OPCML: variants seen among roughly 807,000 people sequenced by gnomAD.
The protein encoded by OPCML is opioid binding protein/cell adhesion molecule like, also known as opioid-binding protein/cell adhesion molecule.
OPCML carries 13 observed loss-of-function variants against 37.8 expected under a neutral mutation model. The ratio of observed to expected loss-of-function variants is 0.34; its 90% CI spans 0.22 to 0.55. OPCML has a LOEUF of 0.55. OPCML is among the 20% of genes least tolerant of loss of function. The pLI is 0.91. For missense variants in OPCML, 341 were observed against 435.6 expected (o/e 0.78, Z 1.93); for synonymous variants, 176 against 168.8 (o/e 1.04, Z -0.33).
chr11:133,393,828 C>A (rs1449281906), intron 1 of OPCML, among the ~76,000 whole-genome samples: 1 of 152,228 alleles, frequency 6.6e-6, no homozygotes, highest in African/African-American at 2.4e-5. Flanking sequence ...ACAGAAGATT[C>A]CAATGACTAC....
chr11:132,944,853 T>G (rs1223703679), intron 1 of OPCML, among the ~76,000 whole-genome samples: 1 of 152,246 alleles, frequency 6.6e-6, no homozygotes, highest in Non-Finnish European at 1.5e-5. Flanking sequence ...GCTATGTGCA[T>G]CTGCTCTACT....
At chr11:133,122,492 T>C (rs1454838314) in intron 1 of OPCML, among the ~76,000 whole-genome samples, 1 of 152,132 alleles carries the variant, frequency 6.6e-6, no homozygotes, top group African/African-American at 2.4e-5. Context: ...GCAGGAGGCC[T>C]CTGATTTCTG....
At chr11:132,780,218 G>A (rs1284119385) in intron 2 of OPCML, among the ~76,000 whole-genome samples, 1 of 152,134 alleles carries the variant, frequency 6.6e-6, no homozygotes, top group Non-Finnish European at 1.5e-5. Context: ...ATTTGCTTCT[G>A]GTAGTTTGCA....
In OPCML at chr11:133,208,135, T is replaced by C. The variant is rs547900560; in HGVS notation, c.62-265125A>G. Among the ~76,000 whole-genome samples the C allele has an allele frequency of 2.8e-3, 424 of 152,320 alleles. 2 individuals are homozygous for C. The highest frequency in any genetic ancestry group is 9.0e-3 in the African/African-American group (374 of 41,572). Reference sequence around the variant, plus strand: ...GATTTATTGTAATAGCTTATTTAGCTGTTGGTCTTCCTTACTGTATTATAC... The same window carrying C: ...GATTTATTGTAATAGCTTATTTAGCCGTTGGTCTTCCTTACTGTATTATAC... On this transcript the variant is annotated intron_variant, in intron 1 of 7. Transcript: ENST00000524381. The surrounding 1 kb of genome is among the most constrained non-coding windows in gnomAD (Gnocchi z 8.9).
At chr11:132,690,830 C>T (rs1161744598) in intron 2 of OPCML, among the ~76,000 whole-genome samples, 2 of 152,100 alleles carry the variant, frequency 1.3e-5, no homozygotes, top group East Asian at 1.9e-4. Flanking sequence ...AGCAGGATTT[C>T]GGACTATTCT....
At chr11:133,230,274 C>T (rs1016676632) in intron 1 of OPCML, among the ~76,000 whole-genome samples, 3 of 152,140 alleles carry the variant, frequency 2.0e-5, no homozygotes, top group African/African-American at 7.2e-5. Flanking sequence ...TGTCATGAAG[C>T]GTGGTGATGC....
chr11:132,534,709 T>A (rs1417213851), intron 3 of OPCML, among the ~76,000 whole-genome samples: 2 of 152,262 alleles, frequency 1.3e-5, no homozygotes, highest in East Asian at 1.9e-4. Flanking sequence ...ATTTACTGAG[T>A]CTAAGCCCAT....
chr11:132,909,049 A>G (rs1944337749), intron 2 of OPCML, among the ~76,000 whole-genome samples: 1 of 152,162 alleles, frequency 6.6e-6, no homozygotes, highest in Non-Finnish European at 1.5e-5. Context: ...TGCCTCAGAG[A>G]CAGAAGCATC....
At chr11:132,968,529 C>T (rs1174013333) in intron 1 of OPCML, among the ~76,000 whole-genome samples, 1 of 152,154 alleles carries the variant, frequency 6.6e-6, no homozygotes, top group Non-Finnish European at 1.5e-5. Flanking sequence ...AGTACCACCC[C>T]TATGATAACC....
chr11:133,511,851 G>A (rs1948166917), intron 1 of OPCML, among the ~76,000 whole-genome samples: 1 of 152,096 alleles, frequency 6.6e-6, no homozygotes, highest in African/African-American at 2.4e-5. Flanking sequence ...TTTATTTGCT[G>A]TTGCACCCCA....
chr11:133,303,518 T>C (rs1371594526), intron 1 of OPCML, among the ~76,000 whole-genome samples: 3 of 152,170 alleles, frequency 2.0e-5, no homozygotes, highest in African/African-American at 7.2e-5. Flanking sequence ...CACTAAATAA[T>C]AGAGCGAGAA....
At chr11:133,012,472 G>A (rs1260486848) in intron 1 of OPCML, among the ~76,000 whole-genome samples, 5 of 152,146 alleles carry the variant, frequency 3.3e-5, no homozygotes, top group Admixed American at 2.6e-4. Context: ...CTTCCTCAAA[G>A]AAGTTTTATT....
chr11:132,855,514 A>C (rs1227976272), intron 2 of OPCML, among the ~76,000 whole-genome samples: 1 of 152,132 alleles, frequency 6.6e-6, no homozygotes, highest in East Asian at 1.9e-4. Flanking sequence ...CATGAAGACC[A>C]CTCTGGGTGA....
chr11:132,497,112 C>T (rs945247454), intron 4 of OPCML, among the ~76,000 whole-genome samples: 2 of 152,024 alleles, frequency 1.3e-5, no homozygotes, highest in Non-Finnish European at 2.9e-5. Context: ...GGAGCTGAAA[C>T]CCATTATCCT....
chr11:132,921,781 T>C (rs1196605452), intron 2 of OPCML, among the ~76,000 whole-genome samples: 1 of 152,226 alleles, frequency 6.6e-6, no homozygotes, highest in East Asian at 1.9e-4. Context: ...CTTGTAGCCA[T>C]AAAAGGTGCT....
chr11:133,270,022 C>G (rs1941780368), intron 1 of OPCML, among the ~76,000 whole-genome samples: 1 of 152,156 alleles, frequency 6.6e-6, no homozygotes, highest in African/African-American at 2.4e-5. Flanking sequence ...TTGGGAGCTC[C>G]TGCATGCCGA....
chr11:133,210,712 G>A (rs1339638358), intron 1 of OPCML, among the ~76,000 whole-genome samples: 2 of 152,136 alleles, frequency 1.3e-5, no homozygotes, highest in East Asian at 3.9e-4. Flanking sequence ...AAATGTGAAG[G>A]TGGAATGAAG....
intron 1 of OPCML, chr11:133,422,706 A>G: frequency 2.0e-6 from 2 of 983,754 alleles, no homozygotes; most frequent in Non-Finnish European, 2.4e-6. Context: ...ATATGCAAAC[A>G]CTCTCAAACT....
chr11:133,058,824 A>G (rs1017025847), intron 1 of OPCML, among the ~76,000 whole-genome samples: 1 of 152,236 alleles, frequency 6.6e-6, no homozygotes, highest in Non-Finnish European at 1.5e-5. Flanking sequence ...ATCTGGCAAG[A>G]TGACTTTACA....
Sources: allele counts gnomAD v4.1 joint callset (sites outside exome capture counted in the v4.1 genomes callset), GRCh38; gene constraint gnomAD v4.1.1; non-coding constraint Gnocchi (gnomAD v3.1); transcripts MANE v1.5; gene names NCBI Gene and HGNC (gene_info 2026-07-23, HGNC 2026-07-21).